PCDH15: variants seen among roughly 807,000 people sequenced by gnomAD.
PCDH15 encodes protocadherin-15.
A neutral mutation model predicts 178.5 loss-of-function variants in PCDH15; 129 were observed. That is an observed-to-expected ratio of 0.72 (90% CI 0.63 to 0.84). PCDH15 has a LOEUF of 0.84. Ranked by LOEUF, PCDH15 falls within the 40% of genes least tolerant of loss-of-function variation. The pLI is 0.00. For missense variants in PCDH15, 2,230 were observed against 2,099.9 expected, an observed-to-expected ratio of 1.06 and a Z score of -1.21; for synonymous variants, 800 against 732.0, an observed-to-expected ratio of 1.09 and a Z score of -1.50.
intron 1 of PCDH15, among the ~76,000 whole-genome samples, chr10:55,185,426 C>A (rs1011228563): frequency 2.0e-5 from 3 of 151,700 alleles, no homozygotes; most frequent in Non-Finnish European, 3.0e-5. Context: ...AGCTCAGAAT[C>A]TTTATTAAAA....
At chr10:54,433,485 C>T (rs74399845) in intron 3 of PCDH15, among the ~76,000 whole-genome samples, 232 of 152,168 alleles carry the variant, frequency 1.5e-3, no homozygotes, top group Middle Eastern at 0.01. Context: ...AACATGTTCT[C>T]ACTTATTTGT....
chr10:55,076,195 T>C (rs571236811), intron 2 of PCDH15, among the ~76,000 whole-genome samples: 1 of 152,298 alleles, frequency 6.6e-6, no homozygotes, highest in East Asian at 1.9e-4. Flanking sequence ...GTAAGAAGAA[T>C]GTATATTTTG....
intron 1 of PCDH15, among the ~76,000 whole-genome samples, chr10:54,769,660 G>A (rs1948875301): frequency 6.6e-6 from 1 of 151,894 alleles, no homozygotes; most frequent in Non-Finnish European, 1.5e-5. Context: ...TGCTAAAGGT[G>A]GCATCAGAGC....
chr10:54,657,816 T>C (rs1028372029), intron 2 of PCDH15, among the ~76,000 whole-genome samples: 3 of 152,172 alleles, frequency 2.0e-5, no homozygotes, highest in African/African-American at 7.2e-5. Context: ...TTTTGACATC[T>C]CTAAAGGATT....
chr10:55,427,406 T>C (rs1838783404), intron 2 of PCDH15, among the ~76,000 whole-genome samples: 1 of 152,180 alleles, frequency 6.6e-6, no homozygotes, highest in Admixed American at 6.5e-5. Flanking sequence ...TCTATTACAT[T>C]AAGATATAGT....
chr10:53,847,867 CATT>C (rs1202335038), intron 28 of PCDH15, among the ~76,000 whole-genome samples: 4 of 151,846 alleles, frequency 2.6e-5, no homozygotes, highest in Non-Finnish European at 4.4e-5. Flanking sequence ...CTGTGTGAAT[CATT>C]GTAAACTACT....
At position 54,229,819 on chromosome 10, in the gene PCDH15, A is replaced by G. The variant is rs771296493; in HGVS notation, c.985+7004T>C. On this transcript the variant is annotated intron_variant, in intron 9 of 37. Transcript: ENST00000644397. ...CAGCAGCATGAAAACGGAATAATAT[A>G]CTAACATACACACACAATCTTGCCT... 2.6e-5 allele frequency among the ~76,000 whole-genome samples: 4 copies of G among 152,342 alleles called. No homozygotes were observed. In the East Asian group the frequency reaches 7.7e-4, roughly 29 times the overall value.
At chr10:53,977,081 C>T (rs1475474005) in intron 21 of PCDH15, among the ~76,000 whole-genome samples, 1 of 152,020 alleles carries the variant, frequency 6.6e-6, no homozygotes, top group East Asian at 1.9e-4. Flanking sequence ...GCAATATAAA[C>T]CCCTGATTTT....
intron 1 of PCDH15, among the ~76,000 whole-genome samples, chr10:55,231,103 AG>A (rs2132198035): frequency 6.6e-6 from 1 of 152,138 alleles, no homozygotes; most frequent in East Asian, 1.9e-4. Context: ...TAATATACGT[AG>A]CCAGAATATA....
chr10:54,559,316 T>TG (rs1181251773), intron 2 of PCDH15, among the ~76,000 whole-genome samples: 1 of 152,084 alleles, frequency 6.6e-6, no homozygotes, highest in East Asian at 1.9e-4. Context: ...TCCTAGTAGA[T>TG]ACTCTTTTAA....
intron 2 of PCDH15, among the ~76,000 whole-genome samples, chr10:55,371,798 T>G (rs1845514588): frequency 6.6e-6 from 1 of 152,042 alleles, no homozygotes; most frequent in African/African-American, 2.4e-5. Flanking sequence ...TGTGTGAAAA[T>G]GGAGTAATAC....
intron 2 of PCDH15, among the ~76,000 whole-genome samples, chr10:54,556,958 C>T (rs2087365047): frequency 6.6e-6 from 1 of 151,918 alleles, no homozygotes; most frequent in Admixed American, 6.6e-5. Flanking sequence ...TATCTTAGAT[C>T]TTTTTACCAA....
chr10:55,461,109 A>C (rs893376074), intron 2 of PCDH15, among the ~76,000 whole-genome samples: 1 of 152,236 alleles, frequency 6.6e-6, no homozygotes, highest in African/African-American at 2.4e-5. Context: ...AGCTTTAGGT[A>C]GTTTTCTCAG....
At chr10:54,447,925 T>G (rs1379019608) in intron 3 of PCDH15, among the ~76,000 whole-genome samples, 1 of 147,422 alleles carries the variant, frequency 6.8e-6, no homozygotes, top group African/African-American at 2.5e-5. Context: ...ATAAATATCC[T>G]TAAATAAAAC....
chr10:54,983,701 G>A lies in PCDH15; in HGVS notation c.-79-86201C>T, dbSNP rs553264311. ...CTTAATCCTAAAGTAATTGGGAAAA[G>A]TACTATTAATGATGGCTGGTGTTGA... On this transcript the variant is annotated intron_variant, in intron 2 of 5. Coordinates refer to the PCDH15 transcript ENST00000458638. Among the ~76,000 whole-genome samples the A allele has an allele frequency of 1.6e-4, 24 of 152,284 alleles. No individual in the cohort carries two copies. In the South Asian group the frequency reaches 4.8e-3, roughly 30 times the overall value.
intron 9 of PCDH15, among the ~76,000 whole-genome samples, chr10:54,215,999 T>TACCACTGC (rs2051999231): frequency 1.7e-5 from 1 of 58,872 alleles, no homozygotes; most frequent in South Asian, 4.7e-4. Context: ...GCTGAGATCG[T>TACCACTGC]ACCACTGCAC....
At chr10:54,793,545 G>A (rs984411927) in intron 1 of PCDH15, among the ~76,000 whole-genome samples, 1 of 151,360 alleles carries the variant, frequency 6.6e-6, no homozygotes, top group Non-Finnish European at 1.5e-5. Flanking sequence ...GTTCAGCAAA[G>A]TAAGCTGAAA....
intron 25 of PCDH15, among the ~76,000 whole-genome samples, chr10:53,925,666 TTTTG>T (rs1364181004): frequency 3.9e-5 from 6 of 152,210 alleles, no homozygotes; most frequent in Non-Finnish European, 8.8e-5. Flanking sequence ...GCCAGTGGAT[TTTTG>T]TTTGCCTTTA....
chr10:55,559,032 C>A (rs1842143080), intron 2 of PCDH15, among the ~76,000 whole-genome samples: 1 of 152,048 alleles, frequency 6.6e-6, no homozygotes, highest in African/African-American at 2.4e-5. Context: ...CCTCCCAGTG[C>A]CAACTCTCTA....
Sources: allele counts gnomAD v4.1 joint callset (sites outside exome capture counted in the v4.1 genomes callset), GRCh38; gene constraint gnomAD v4.1.1; transcripts MANE v1.5; gene names NCBI Gene and HGNC (gene_info 2026-07-23, HGNC 2026-07-21).